The following STX5 variants were observed in gnomAD, a reference collection of about 807,000 sequenced individuals.
STX5 encodes the protein syntaxin 5.
In STX5, 15 loss-of-function variants were observed where a neutral mutation model predicts 42.9. The observed-to-expected ratio is 0.35, with a 90% CI of 0.23 to 0.54. The LOEUF (loss-of-function observed/expected upper bound fraction) is 0.54. STX5 is among the 20% of genes least tolerant of loss of function. STX5 has a pLI of 0.91. For missense variants in STX5, 430 were observed against 455.0 expected, an observed-to-expected ratio of 0.95 and a Z score of 0.50; for synonymous variants, 184 against 173.2, an observed-to-expected ratio of 1.06 and a Z score of -0.49.
At position 62,825,628 on chromosome 11, in the gene STX5, C is replaced by T. The variant is rs903462914; in HGVS notation, c.424-89G>A. On this transcript the variant is annotated intron_variant, in intron 5 of 10. Transcript: ENST00000294179. ...CGATGGCCATCTCTGGTAGGAAGGA[C>T]AAGGTGGAAGTTACTAGCCAGAGTG... 5.0e-5 allele frequency: 60 copies of T among 1,206,642 alleles called. No homozygotes were observed. In the Admixed American group the frequency reaches 9.6e-4, roughly 19 times the overall value. The allele number at this position is 1,206,642 out of a possible 1,614,324, so 74.7% of individuals were successfully genotyped here.
intron 5 of STX5, among the ~76,000 whole-genome samples, chr11:62,825,745 C>CA (rs1416535243): frequency 6.6e-6 from 1 of 152,134 alleles, no homozygotes; most frequent in Non-Finnish European, 1.5e-5. Flanking sequence ...AGAAGAGCTA[C>CA]AAAGAGGCAA....
chr11:62,824,057 G>T (rs2084766875), intron 10 of STX5, 109 bp downstream of exon 10: 7 of 1,550,242 alleles, frequency 4.5e-6, no homozygotes, highest in Non-Finnish European at 4.4e-6. Flanking sequence ...TGGGTGGGCA[G>T]AATTCACTCT....
rs2084565964 is a variant in STX5 at position 62,807,549 on chromosome 11, T to C, written c.988A>G (p.Thr330Ala). 1.9e-6 allele frequency: 3 copies of C among 1,614,042 alleles called. No individual in the cohort carries two copies. The highest frequency in any genetic ancestry group is 2.5e-6 in the Non-Finnish European group (3 of 1,180,002). ...TTGACCATGAGCCACCGGTTGGAGG[T>C]GACAGACTGGAAGTACTTGAGGATC... ...SEILKYFQSV[T>A]SNRWLMVKIF... The change falls in exon 11 of 11, where the codon ACC becomes GCC. Residue 330 changes from threonine to alanine, a missense_variant. Thr to Ala is a moderately conservative substitution (Grantham distance 58). Coordinates refer to ENST00000294179, the MANE Select transcript of STX5 (RefSeq NM_003164.5).
At chr11:62,822,859 G>A (rs1414327626) in intron 10 of STX5, among the ~76,000 whole-genome samples, 1 of 152,128 alleles carries the variant, frequency 6.6e-6, no homozygotes, top group Non-Finnish European at 1.5e-5. Flanking sequence ...AGGAGGAGCA[G>A]ATAAAAACTC....
chr11:62,813,491 C>T (rs912359709), intron 10 of STX5, among the ~76,000 whole-genome samples: 3 of 152,206 alleles, frequency 2.0e-5, no homozygotes, highest in African/African-American at 7.2e-5. Flanking sequence ...TCACATCTCT[C>T]GAATCAGAAT....
At chr11:62,831,872 C>A (rs1489173249) in intron 1 of STX5, 82 bp downstream of exon 1, 3 of 455,972 alleles carry the variant, frequency 6.6e-6, no homozygotes, top group East Asian at 1.4e-4. Context: ...TGATTCCCTT[C>A]CCCCCGCCAG....
intron 10 of STX5, among the ~76,000 whole-genome samples, chr11:62,814,090 C>T (rs1482109465): frequency 6.6e-6 from 1 of 151,950 alleles, no homozygotes; most frequent in African/African-American, 2.4e-5. Flanking sequence ...TAATCATTGC[C>T]CTAACTAATA....
At chr11:62,830,339 G>A (rs1047761942) in intron 2 of STX5, 17 of 310,502 alleles carry the variant, frequency 5.5e-5, no homozygotes, top group South Asian at 1.3e-4. Context: ...CTAGGGCCAG[G>A]TGTGGTGTCC....
chr11:62,824,411 C>G (rs182243725), intron 9 of STX5, 48 bp downstream of exon 9: 2 of 1,613,594 alleles, frequency 1.2e-6, no homozygotes, highest in African/African-American at 1.3e-5. Flanking sequence ...TCGGGAACCA[C>G]AGAGGATAAT....
At chr11:62,830,502 C>T in intron 2 of STX5, 1 of 455,612 alleles carries the variant, frequency 2.2e-6, no homozygotes, top group Admixed American at 2.4e-5. Flanking sequence ...GAGCTATCAT[C>T]ACACCACTAC....
chr11:62,830,999 T>C lies in STX5; in HGVS notation c.225+20A>G, dbSNP rs1282770837. On this transcript the variant is annotated intron_variant, in intron 2 of 10. Transcript: ENST00000294179. ...TTTGAGTAAGGCTCACTCCTCGCCTTTTCCACTCCAGGTCCTTACCTGACG... is the reference window on the plus strand; with the variant it reads ...TTTGAGTAAGGCTCACTCCTCGCCTCTTCCACTCCAGGTCCTTACCTGACG... The C allele has an allele frequency of 6.5e-6, 10 of 1,546,104 alleles. No individual in the cohort carries two copies. The highest frequency in any genetic ancestry group is 2.0e-5 in the Admixed American group (1 of 50,992).
intron 10 of STX5, among the ~76,000 whole-genome samples, chr11:62,814,893 T>C (rs1405571392): frequency 6.6e-6 from 1 of 151,944 alleles, no homozygotes; most frequent in Non-Finnish European, 1.5e-5. Flanking sequence ...TATGCCTGGC[T>C]TTCTGATTTA....
At position 62,831,960 on chromosome 11, in the gene STX5, TCTGCCGC is replaced by T. The variant is rs894064481; in HGVS notation, c.-33_-27del. The T allele has an allele frequency of 2.2e-6, 1 of 457,238 alleles. No individual in the cohort carries two copies. The highest frequency in any genetic ancestry group is 4.4e-6 in the Non-Finnish European group (1 of 229,392). 28.3% of individuals were successfully genotyped at this position (457,238 alleles called of 1,614,324 possible). A position where few individuals can be genotyped will look rare whatever the true frequency, so the allele number is the denominator to read the frequency against. On this transcript the variant is annotated 5_prime_UTR_variant, in exon 1 of 11. Coordinates refer to ENST00000294179, the MANE Select transcript of STX5 (RefSeq NM_003164.5). The stretch of plus-strand genomic sequence containing the variant: ...CTCTTAAAGCGAATCTTACCTCCCC[TCTGCCGC>T]CTGCCGCCGCCGCCACTTCCAATCT...
chr11:62,831,190 C>T lies in STX5; in HGVS notation c.54G>A (p.Leu18=). The part of the protein sequence containing the change: ...GSKNTDQGVY[L]GLSKTQVLSP... ...ACAGGACCTGTGTCTTTGAGAGACC[C>T]AGGTAGACACCCTGATCCGTGTTCT... Residue 18 remains leucine, a synonymous_variant, in exon 2 of 11, where the codon CTG becomes CTA. Coordinates refer to ENST00000294179, the MANE Select transcript of STX5 (RefSeq NM_003164.5). 1 of 1,566,174 alleles carries T rather than the reference C, an allele frequency of 6.4e-7. No homozygotes were observed. The highest frequency in any genetic ancestry group is 8.7e-7 in the Non-Finnish European group (1 of 1,154,618).
chr11:62,826,947 A>G (rs969763220), intron 5 of STX5, among the ~76,000 whole-genome samples: 12 of 151,654 alleles, frequency 7.9e-5, no homozygotes, highest in African/African-American at 2.9e-4. Context: ...ACCACTCAGG[A>G]GGCTCAGGCT....
chr11:62,826,296 G>A (rs899132846), intron 5 of STX5, among the ~76,000 whole-genome samples: 8 of 151,088 alleles, frequency 5.3e-5, no homozygotes, highest in Admixed American at 2.6e-4. Context: ...GGTGGCTCAC[G>A]CCTGTAATCC....
At position 62,827,346 on chromosome 11, in the gene STX5, T is replaced by C. The variant is rs745772633; in HGVS notation, c.349A>G (p.Ile117Val). ...GAAAGACCCCAAGAACACTCACAGA[T>C]TGTCAGCTTCTCCAGCTTGGCAAAT... is the stretch of plus-strand genomic sequence containing the variant. ...NTFAKLEKLTILAKRKSLFDD... is the reference protein window; with the variant it reads ...NTFAKLEKLTVLAKRKSLFDD... Residue 117 changes from isoleucine (I) to valine (V), a missense_variant, in exon 4 of 11, where the codon ATC becomes GTC. By Grantham distance (29) the Ile-to-Val change is conservative. Coordinates refer to ENST00000294179, the MANE Select transcript of STX5 (RefSeq NM_003164.5). The C allele has an allele frequency of 3.0e-5, 49 of 1,614,086 alleles. No homozygotes were observed. Among genetic ancestry groups the C allele is most frequent in the Non-Finnish European group, 3.8e-5 (45 of 1,180,032 alleles).
Position 62,807,552 on chromosome 11 carries a change from C to T in STX5, c.985G>A (p.Val329Ile). Residue 329 changes from valine to isoleucine, a missense_variant, in exon 11 of 11, where the codon GTC becomes ATC. Coordinates refer to ENST00000294179, the MANE Select transcript of STX5 (RefSeq NM_003164.5). Reference protein sequence around the residue: ...HSEILKYFQSVTSNRWLMVKI... With the variant: ...HSEILKYFQSITSNRWLMVKI... Reference sequence around the variant, plus strand: ...ACCATGAGCCACCGGTTGGAGGTGACAGACTGGAAGTACTTGAGGATCTCT... The same window carrying T: ...ACCATGAGCCACCGGTTGGAGGTGATAGACTGGAAGTACTTGAGGATCTCT... 6.2e-7 allele frequency: 1 copy of T among 1,614,168 alleles called. No homozygotes were observed. Among genetic ancestry groups the T allele is most frequent in the South Asian group, 1.1e-5 (1 of 91,078 alleles).
chr11:62,825,277 T>C lies in STX5; in HGVS notation c.597+6A>G, dbSNP rs1565214196. 6.2e-7 allele frequency: 1 copy of C among 1,614,138 alleles called. No homozygotes were observed. The highest frequency in any genetic ancestry group is 8.5e-7 in the Non-Finnish European group (1 of 1,180,040). ...TTCCTACCCCTCCTACGCAGATTGT[T>C]CTCACCTCTGTCCTCACTTCTAAAA... On this transcript the variant is annotated splice_donor_region_variant and intron_variant, in intron 7 of 10. Transcript: ENST00000294179.
Sources: allele counts gnomAD v4.1 joint callset (sites outside exome capture counted in the v4.1 genomes callset), GRCh38; gene constraint gnomAD v4.1.1; transcripts MANE v1.5; gene names NCBI Gene and HGNC (gene_info 2026-07-23, HGNC 2026-07-21).